SLC2A13: variants seen among roughly 807,000 people sequenced by gnomAD.
SLC2A13 encodes the protein proton myo-inositol cotransporter.
SLC2A13 carries 32 observed loss-of-function variants against 64.4 expected under a neutral mutation model. The observed-to-expected ratio is 0.50, with a 90% confidence interval of 0.37 to 0.67. The LOEUF is 0.67. Ranked by LOEUF, SLC2A13 falls within the 30% of genes least tolerant of loss-of-function variation. The probability of loss-of-function intolerance (pLI) is 0.00; values close to 1 mark genes in which losing one functional copy is unlikely to be tolerated. For missense variants in SLC2A13, 743 were observed against 829.2 expected (o/e 0.90, Z 1.28); for synonymous variants, 338 against 327.1 (o/e 1.03, Z -0.36).
At chr12:39,815,836 C>G (rs995435387) in intron 7 of SLC2A13, among the ~76,000 whole-genome samples, 3 of 152,094 alleles carry the variant, frequency 2.0e-5, no homozygotes, top group Admixed American at 6.5e-5. Context: ...GTACAACATT[C>G]TATAAAAGAG....
At chr12:40,057,732 G>A (rs1262307293) in intron 1 of SLC2A13, among the ~76,000 whole-genome samples, 1 of 152,122 alleles carries the variant, frequency 6.6e-6, no homozygotes, top group Non-Finnish European at 1.5e-5. Flanking sequence ...CAATGGCTAA[G>A]AATTTTACGC....
intron 4 of SLC2A13, among the ~76,000 whole-genome samples, chr12:39,887,041 T>C (rs1408759647): frequency 2.0e-5 from 3 of 152,216 alleles, no homozygotes; most frequent in Non-Finnish European, 4.4e-5. Context: ...CAGTCCATTC[T>C]CATGCAGATT....
At chr12:39,833,372 C>T (rs73101286) in intron 6 of SLC2A13, among the ~76,000 whole-genome samples, 2,562 of 152,104 alleles carry the variant, frequency 0.017, 74 homozygotes, top group African/African-American at 0.056. Context: ...AACTTCCTTA[C>T]TCCAAGAACA....
intron 4 of SLC2A13, among the ~76,000 whole-genome samples, chr12:39,878,474 G>A (rs1020685759): frequency 9.2e-5 from 14 of 152,224 alleles, no homozygotes; most frequent in Non-Finnish European, 1.8e-4. Flanking sequence ...CAAAGGTCAT[G>A]TGTATTATGC....
At chr12:39,921,388 G>A (rs1383168201) in intron 4 of SLC2A13, among the ~76,000 whole-genome samples, 1 of 152,038 alleles carries the variant, frequency 6.6e-6, no homozygotes, top group African/African-American at 2.4e-5. Context: ...TGCCCTGGCT[G>A]TCACATTTTA....
intron 7 of SLC2A13, among the ~76,000 whole-genome samples, chr12:39,769,841 T>C (rs1940498273): frequency 6.6e-6 from 1 of 152,100 alleles, no homozygotes; most frequent in South Asian, 2.1e-4. Flanking sequence ...ACAATCCTTC[T>C]TTCACAGCCC....
At chr12:40,028,145 T>C (rs778358366) in intron 3 of SLC2A13, among the ~76,000 whole-genome samples, 156 bp downstream of exon 3, 4 of 151,896 alleles carry the variant, frequency 2.6e-5, no homozygotes, top group Non-Finnish European at 5.9e-5. Flanking sequence ...ACATATATAA[T>C]TTTATATATG....
chr12:40,076,882 AT>A (rs1938199206), intron 1 of SLC2A13, among the ~76,000 whole-genome samples: 1 of 151,934 alleles, frequency 6.6e-6, no homozygotes, highest in South Asian at 2.1e-4. Flanking sequence ...CTATCTCATC[AT>A]GGTTTTGATC....
chr12:39,937,641 A>C (rs1158993043), intron 4 of SLC2A13, among the ~76,000 whole-genome samples: 1 of 152,192 alleles, frequency 6.6e-6, no homozygotes, highest in Non-Finnish European at 1.5e-5. Context: ...GAGGCACCTG[A>C]AACCTTAGTT....
intron 6 of SLC2A13, among the ~76,000 whole-genome samples, chr12:39,856,949 G>A (rs533288214): frequency 1.3e-5 from 2 of 152,232 alleles, no homozygotes; most frequent in African/African-American, 4.8e-5. Context: ...TACACCAGAC[G>A]CTGATTCCAG....
intron 7 of SLC2A13, among the ~76,000 whole-genome samples, chr12:39,801,602 A>G (rs1397345501): frequency 6.6e-6 from 1 of 152,196 alleles, no homozygotes; most frequent in Non-Finnish European, 1.5e-5. Context: ...AATTCACCCA[A>G]TGTACTAGTC....
rs544400360 is a variant in SLC2A13 at position 39,860,687 on chromosome 12, C to T, written c.1319+4075G>A. On this transcript the variant is annotated intron_variant, in intron 6 of 9. Coordinates refer to ENST00000280871, the MANE Select transcript of SLC2A13 (RefSeq NM_052885.4). ...GAAATTGAGAACCAACCAAAGACTC[C>T]TTCCTCCTATGGCCACAGTTAATTA... Among the ~76,000 whole-genome samples, 11 of 152,238 alleles carry T rather than the reference C, an allele frequency of 7.2e-5. No individual in the cohort carries two copies. The South Asian group carries it at 2.3e-3, about 32-fold the overall frequency.
At chr12:39,886,317 G>A (rs1045180705) in intron 4 of SLC2A13, among the ~76,000 whole-genome samples, 2 of 151,962 alleles carry the variant, frequency 1.3e-5, no homozygotes, top group African/African-American at 4.8e-5. Flanking sequence ...CAAAGGGAGA[G>A]GCCTATAATT....
At chr12:39,775,138 T>C (rs760740437) in intron 7 of SLC2A13, among the ~76,000 whole-genome samples, 8 of 152,140 alleles carry the variant, frequency 5.3e-5, no homozygotes, top group Non-Finnish European at 1.2e-4. Flanking sequence ...AAGATTAACA[T>C]AGATAGAGAA....
chr12:39,767,980 C>A (rs1235988771), intron 7 of SLC2A13, among the ~76,000 whole-genome samples: 1 of 152,100 alleles, frequency 6.6e-6, no homozygotes, highest in African/African-American at 2.4e-5. Flanking sequence ...ACTACCCAGT[C>A]TCAGGCAGTT....
rs772591286 is a variant in SLC2A13 at position 39,759,358 on chromosome 12, C to A, written c.*668G>T. On this transcript the variant is annotated 3_prime_UTR_variant, in exon 10 of 10. Transcript: ENST00000280871. ...AAAAAAAAGAAGTATGAAAACAACC[C>A]GACAGATTATATTTTCATAATGTTC... 6.6e-6 allele frequency: 1 copy of A among 152,092 alleles called. No individual in the cohort carries two copies. Among genetic ancestry groups the A allele is most frequent in the Non-Finnish European group, 1.5e-5 (1 of 67,936 alleles). The allele number at this position is 152,092 out of a possible 1,614,324, so 9.4% of individuals were successfully genotyped here.
intron 4 of SLC2A13, among the ~76,000 whole-genome samples, chr12:39,924,561 T>C (rs1592287566): frequency 6.6e-6 from 1 of 152,138 alleles, no homozygotes; most frequent in Non-Finnish European, 1.5e-5. Context: ...TGACACAACA[T>C]AGATACTAAG....
chr12:40,004,633 T>C (rs1255439803), intron 3 of SLC2A13, among the ~76,000 whole-genome samples: 1 of 150,712 alleles, frequency 6.6e-6, no homozygotes, highest in Admixed American at 6.6e-5. Flanking sequence ...TTTTTCACAG[T>C]TCTAGAGGCT....
At chr12:39,822,994 C>G (rs1942567901) in intron 7 of SLC2A13, among the ~76,000 whole-genome samples, 1 of 152,028 alleles carries the variant, frequency 6.6e-6, no homozygotes, top group Non-Finnish European at 1.5e-5. Context: ...TCCGAGTCTG[C>G]AATATAGTCA....
Sources: gnomAD v4.1 joint callset for allele counts (sites outside exome capture counted in the v4.1 genomes callset) on GRCh38, gnomAD v4.1.1 for gene constraint, MANE v1.5 for transcripts, NCBI Gene and HGNC (gene_info 2026-07-23, HGNC 2026-07-21) for gene names.